MED30: variants seen among roughly 807,000 people sequenced by gnomAD.
MED30 encodes the protein mediator complex subunit 30.
MED30 carries 8 observed loss-of-function variants against 21.7 expected under a neutral mutation model. The observed-to-expected ratio is 0.37, with a 90% confidence interval of 0.22 to 0.67. The LOEUF (loss-of-function observed/expected upper bound fraction) is 0.67, where lower values mean the gene tolerates loss of function less well. Ranked by LOEUF, MED30 falls within the 30% of genes least tolerant of loss-of-function variation. The probability of loss-of-function intolerance (pLI) is 0.58; values close to 1 mark genes in which losing one functional copy is unlikely to be tolerated. For missense variants in MED30, 203 were observed against 228.2 expected (o/e 0.89, Z 0.71); for synonymous variants, 79 against 86.7 (o/e 0.91, Z 0.49).
chr8:117,531,587 TA>T (rs1818792558), intron 3 of MED30, among the ~76,000 whole-genome samples: 1 of 151,978 alleles, frequency 6.6e-6, no homozygotes, highest in Non-Finnish European at 1.5e-5. Context: ...ATGATGTCAG[TA>T]AACTACCTTG....
intron 2 of MED30, chr8:117,530,409 G>T (rs1213053390): frequency 6.0e-6 from 1 of 165,942 alleles, no homozygotes; most frequent in African/African-American, 2.4e-5. Context: ...ATTGAGTAGG[G>T]TTTTTTTAAA....
At chr8:117,535,519 C>T (rs1292239501) in intron 3 of MED30, among the ~76,000 whole-genome samples, 1 of 151,876 alleles carries the variant, frequency 6.6e-6, no homozygotes, top group African/African-American at 2.4e-5. Flanking sequence ...TGAGCTACTG[C>T]ACCCAGCCGA....
rs543453892 is a variant in MED30, at chr8:117,520,791, C to T, written c.-86C>T. 240 of 1,357,366 alleles carry T rather than the reference C, an allele frequency of 1.8e-4. No individual in the cohort carries two copies. The African/African-American group carries it at 3.3e-3, about 19-fold the overall frequency. The allele number at this position is 1,357,366 out of a possible 1,614,324, so 84.1% of individuals were successfully genotyped here. On this transcript the variant is annotated 5_prime_UTR_variant, in exon 1 of 4. It adds an upstream start codon to the 5' untranslated region. Transcript: ENST00000297347. The stretch of plus-strand genomic sequence containing the variant: ...GGGGGGTCTCTCAAGCTGGTTCCAA[C>T]GCTGAGGCCCCACAGCCTCCCAATT...
At chr8:117,523,490 G>C in intron 1 of MED30, 1 of 1,590,974 alleles carries the variant, frequency 6.3e-7, no homozygotes, top group Non-Finnish European at 8.6e-7. Flanking sequence ...AGGGTGGCAG[G>C]AACAATCTCC....
intron 3 of MED30, among the ~76,000 whole-genome samples, chr8:117,538,024 C>A (rs1818910735): frequency 6.6e-6 from 1 of 152,170 alleles, no homozygotes; most frequent in Non-Finnish European, 1.5e-5. Context: ...TGATTGCTGG[C>A]AGAAGTGTTG....
chr8:117,530,922 A>G, intron 3 of MED30, 95 bp downstream of exon 3: 2 of 863,228 alleles, frequency 2.3e-6, no homozygotes, highest in East Asian at 5.4e-5. Flanking sequence ...TGAATTATCA[A>G]ATTACATGAA....
At chr8:117,527,435 A>C (rs1167649922) in intron 1 of MED30, among the ~76,000 whole-genome samples, 1 of 151,958 alleles carries the variant, frequency 6.6e-6, no homozygotes, top group African/African-American at 2.4e-5. Context: ...CATCTCCTTA[A>C]CTTGTAAACC....
rs1818955090 is a variant in MED30 at position 117,540,160 on chromosome 8, GATT to G, written c.*186_*188del. 7 of 388,052 alleles carry G rather than the reference GATT, an allele frequency of 1.8e-5. No individual in the cohort carries two copies. The South Asian group carries it at 3.3e-4, about 18-fold the overall frequency. 24.0% of individuals were successfully genotyped at this position (388,052 alleles called of 1,614,324 possible). A position where few individuals can be genotyped will look rare whatever the true frequency, so the allele number is the denominator to read the frequency against. ...CTTTTTTTAATGCTATTTTATGAAA[GATT>G]ATTGTAATAAACTTTGATGGGGTTT... is the stretch of plus-strand genomic sequence containing the variant. On this transcript the variant is annotated 3_prime_UTR_variant, in exon 4 of 4. Transcript: ENST00000297347.
intron 3 of MED30, among the ~76,000 whole-genome samples, chr8:117,532,447 G>C (rs1818804418): frequency 6.6e-6 from 1 of 151,942 alleles, no homozygotes; most frequent in Non-Finnish European, 1.5e-5. Context: ...AGAATAGGCA[G>C]ATTAGTAAAA....
At chr8:117,527,211 G>C (rs1414889068) in intron 1 of MED30, among the ~76,000 whole-genome samples, 2 of 151,978 alleles carry the variant, frequency 1.3e-5, no homozygotes, top group African/African-American at 4.8e-5. Flanking sequence ...TTTCTAGTTA[G>C]TGTCTGTGGA....
At chr8:117,525,732 A>G (rs1017716981) in intron 1 of MED30, among the ~76,000 whole-genome samples, 14 of 152,114 alleles carry the variant, frequency 9.2e-5, no homozygotes, top group Non-Finnish European at 1.9e-4. Context: ...GATTTCAGGT[A>G]GCTTTTATAT....
intron 1 of MED30, among the ~76,000 whole-genome samples, chr8:117,528,276 T>A (rs532535718): frequency 6.6e-6 from 1 of 151,844 alleles, no homozygotes; most frequent in East Asian, 1.9e-4. Context: ...CTTTTTTTTT[T>A]AAACTGTACT....
At chr8:117,523,445 G>A in intron 1 of MED30, 2 of 1,573,546 alleles carry the variant, frequency 1.3e-6, no homozygotes, top group Non-Finnish European at 1.7e-6. Flanking sequence ...AGACCTTTAG[G>A]CTGAGGCCTG....
chr8:117,530,309 C>T (rs1818775695), intron 2 of MED30: 1 of 152,170 alleles, frequency 6.6e-6, no homozygotes, highest in Admixed American at 6.6e-5. Context: ...CCTGTTTTAT[C>T]TATCTCAATA....
intron 1 of MED30, among the ~76,000 whole-genome samples, chr8:117,526,444 T>A (rs7834235): frequency 6.6e-6 from 1 of 151,904 alleles, no homozygotes; most frequent in East Asian, 1.9e-4. Flanking sequence ...CTGAAATAAA[T>A]GTATGTTGTC....
intron 3 of MED30, among the ~76,000 whole-genome samples, chr8:117,537,161 A>T (rs903367633): frequency 6.6e-6 from 1 of 152,198 alleles, no homozygotes; most frequent in African/African-American, 2.4e-5. Flanking sequence ...TAGAAAGTAA[A>T]CCATTTTTTG....
At chr8:117,535,991 A>AT (rs1180004556) in intron 3 of MED30, among the ~76,000 whole-genome samples, 1 of 151,538 alleles carries the variant, frequency 6.6e-6, no homozygotes, top group Non-Finnish European at 1.5e-5. Flanking sequence ...TTGCTTGCTT[A>AT]TTTTTTTTCC....
At chr8:117,523,688 C>A in intron 1 of MED30, 1 of 1,576,614 alleles carries the variant, frequency 6.3e-7, no homozygotes, top group Non-Finnish European at 8.7e-7. Context: ...TGGAATCCTC[C>A]TTGGCCACCA....
At chr8:117,534,802 A>G (rs1010003090) in intron 3 of MED30, among the ~76,000 whole-genome samples, 7 of 151,782 alleles carry the variant, frequency 4.6e-5, no homozygotes, top group African/African-American at 1.7e-4. Flanking sequence ...TTTAAATCCC[A>G]AATAAGGAAG....
Sources: allele counts gnomAD v4.1 joint callset (sites outside exome capture counted in the v4.1 genomes callset), GRCh38; gene constraint gnomAD v4.1.1; transcripts MANE v1.5; gene names NCBI Gene and HGNC (gene_info 2026-07-23, HGNC 2026-07-21).